Variants in KDM4C observed in about 807,000 individuals in gnomAD.
KDM4C encodes lysine-specific demethylase 4C.
KDM4C carries 81 observed loss-of-function variants against 129.3 expected under a neutral mutation model. That is an observed-to-expected ratio of 0.63 (90% CI 0.52 to 0.75). KDM4C has a LOEUF of 0.75. Among genes scored for constraint, KDM4C ranks in the 30% least tolerant of loss-of-function variants. The pLI is 0.00. For synonymous variants in KDM4C, 573 were observed against 456.1 expected, an observed-to-expected ratio of 1.26 and a Z score of -3.26; for missense variants, 1,457 against 1,304.0, an observed-to-expected ratio of 1.12 and a Z score of -1.81.
chr9:7,167,431 A>T (rs1399917484), intron 20 of KDM4C, among the ~76,000 whole-genome samples: 1 of 152,210 alleles, frequency 6.6e-6, no homozygotes, highest in African/African-American at 2.4e-5. Context: ...GTGGTCTAAA[A>T]CAAATGAAAG....
intron 8 of KDM4C, among the ~76,000 whole-genome samples, chr9:6,922,808 A>C (rs1164132910): frequency 1.3e-5 from 2 of 152,218 alleles, no homozygotes; most frequent in African/African-American, 4.8e-5. Context: ...AAATGTCACT[A>C]AGTTTCTTTC....
chr9:6,730,350 T>C (rs1471021495), intron 1 of KDM4C, among the ~76,000 whole-genome samples: 1 of 151,914 alleles, frequency 6.6e-6, no homozygotes, highest in Non-Finnish European at 1.5e-5. Context: ...GCGTGGTGGC[T>C]CACGCCTGTA....
chr9:6,798,181 G>A (rs1464040000), intron 2 of KDM4C, among the ~76,000 whole-genome samples: 1 of 151,960 alleles, frequency 6.6e-6, no homozygotes, highest in Admixed American at 6.6e-5. Flanking sequence ...AGTTTATTGT[G>A]TGCCTTGCTT....
chr9:7,075,244 A>G (rs777346591), intron 17 of KDM4C, among the ~76,000 whole-genome samples: 6 of 152,090 alleles, frequency 3.9e-5, no homozygotes, highest in African/African-American at 7.2e-5. Context: ...CATTCTGTCT[A>G]TGCTCGGTTA....
rs577436305 is a variant in KDM4C, at chr9:7,155,994, A to G, written c.2782-9244A>G. ...CCACCAACAGTGTAAAAGCGTTCCT[A>G]TTTCTCCACATCCTCTCCAGCATCT... On this transcript the variant is annotated intron_variant, in intron 19 of 21. Coordinates refer to ENST00000381309, the MANE Select transcript of KDM4C (RefSeq NM_015061.6). Among the ~76,000 whole-genome samples the G allele has an allele frequency of 2.6e-5, 4 of 152,272 alleles. No individual in the cohort carries two copies. In the South Asian group the frequency reaches 6.2e-4, roughly 24 times the overall value.
At chr9:6,981,177 G>T in intron 9 of KDM4C, 59 bp downstream of exon 9, 6 of 1,389,768 alleles carry the variant, frequency 4.3e-6, no homozygotes, top group South Asian at 1.5e-5. Flanking sequence ...AGTTAAAATG[G>T]GTCATTGGAT....
chr9:6,805,564 C>T (rs752144430), intron 2 of KDM4C, 35 bp from the exon 3 acceptor site: 1 of 1,476,008 alleles, frequency 6.8e-7, no homozygotes, highest in Non-Finnish European at 9.2e-7. Context: ...GGAGTATTTT[C>T]AAGATGATAT....
chr9:6,867,403 C>T (rs999914619), intron 5 of KDM4C, among the ~76,000 whole-genome samples: 7 of 152,204 alleles, frequency 4.6e-5, no homozygotes, highest in African/African-American at 1.4e-4. Context: ...GTATCAGAAA[C>T]CACAATTGAT....
intron 17 of KDM4C, among the ~76,000 whole-genome samples, chr9:7,078,402 T>C (rs950120934): frequency 6.6e-6 from 1 of 152,010 alleles, no homozygotes; most frequent in South Asian, 2.1e-4. Context: ...CTTTTTTTTT[T>C]TGTCTTCAAC....
At chr9:6,929,816 A>G (rs1003742563) in intron 8 of KDM4C, among the ~76,000 whole-genome samples, 8 of 152,200 alleles carry the variant, frequency 5.3e-5, no homozygotes, top group African/African-American at 1.9e-4. Context: ...CTGTTTTGAA[A>G]AAAGTTTGAA....
At chr9:6,915,505 T>C (rs1379129058) in intron 8 of KDM4C, among the ~76,000 whole-genome samples, 1 of 152,256 alleles carries the variant, frequency 6.6e-6, no homozygotes, top group African/African-American at 2.4e-5. Flanking sequence ...TGTTACTGTC[T>C]AGTCATTAAG....
chr9:6,835,440 T>G lies in KDM4C; in HGVS notation c.436-14067T>G, dbSNP rs1308893385. 26 of 1,182,846 alleles carry G rather than the reference T, an allele frequency of 2.2e-5. No individual in the cohort carries two copies. In the South Asian group the frequency reaches 2.5e-4, roughly 12 times the overall value. 73.3% of individuals were successfully genotyped at this position (1,182,846 alleles called of 1,614,324 possible). Reference sequence around the variant, plus strand: ...CCAGCACGATGAAGATCAAGATCATTGCTCCTCCTGAGCTCAAGCACTCTG... The same window carrying G: ...CCAGCACGATGAAGATCAAGATCATGGCTCCTCCTGAGCTCAAGCACTCTG... On this transcript the variant is annotated intron_variant, in intron 4 of 21. Coordinates refer to ENST00000381309, the MANE Select transcript of KDM4C (RefSeq NM_015061.6).
intron 19 of KDM4C, among the ~76,000 whole-genome samples, chr9:7,151,237 A>G (rs1194550125): frequency 2.0e-5 from 3 of 152,196 alleles, no homozygotes; most frequent in Admixed American, 1.3e-4. Context: ...TAACAGACCT[A>G]TCTTTTAGAA....
intron 1 of KDM4C, chr9:6,734,508 G>C (rs1037515410): frequency 5.8e-6 from 1 of 171,110 alleles, no homozygotes; most frequent in Non-Finnish European, 1.2e-5. Flanking sequence ...TGGCCAGGCT[G>C]GTCTCGAACT....
chr9:6,782,105 T>G (rs1824473154), intron 1 of KDM4C, among the ~76,000 whole-genome samples: 1 of 152,174 alleles, frequency 6.6e-6, no homozygotes, highest in Non-Finnish European at 1.5e-5. Context: ...ATTACAGGTG[T>G]GAGCCACCAT....
At chr9:7,160,943 A>C (rs1209219085) in intron 19 of KDM4C, among the ~76,000 whole-genome samples, 1 of 151,996 alleles carries the variant, frequency 6.6e-6, no homozygotes, top group African/African-American at 2.4e-5. Context: ...ACAGAGCTGG[A>C]GTCTAGAGGC....
intron 8 of KDM4C, among the ~76,000 whole-genome samples, chr9:6,954,121 C>T (rs980065269): frequency 6.6e-6 from 1 of 152,192 alleles, no homozygotes; most frequent in Non-Finnish European, 1.5e-5. Context: ...TATACATTCT[C>T]AGGTGAATTG....
intron 8 of KDM4C, among the ~76,000 whole-genome samples, chr9:6,923,657 A>C (rs1821954817): frequency 1.3e-5 from 2 of 152,240 alleles, no homozygotes; most frequent in Admixed American, 6.5e-5. Flanking sequence ...GGGGTTTGAC[A>C]TCTGAACTAA....
At chr9:6,829,002 T>G (rs1834355498) in intron 4 of KDM4C, among the ~76,000 whole-genome samples, 1 of 152,236 alleles carries the variant, frequency 6.6e-6, no homozygotes, top group African/African-American at 2.4e-5. Context: ...CCTGGTAAAT[T>G]GATAAATCAA....
Sources: gnomAD v4.1 joint callset for allele counts (sites outside exome capture counted in the v4.1 genomes callset) on GRCh38, gnomAD v4.1.1 for gene constraint, MANE v1.5 for transcripts, NCBI Gene and HGNC (gene_info 2026-07-23, HGNC 2026-07-21) for gene names.